Variants in BABAM2 observed in about 807,000 individuals in gnomAD.
BABAM2 encodes the protein BRISC and BRCA1-A complex member 2.
A neutral mutation model predicts 54.7 loss-of-function variants in BABAM2; 31 were observed. That is an observed-to-expected ratio of 0.57 (90% CI 0.43 to 0.77). BABAM2 has a LOEUF of 0.77. Ranked by LOEUF, BABAM2 falls within the 30% of genes least tolerant of loss-of-function variation. BABAM2 has a pLI of 0.00. For missense variants in BABAM2, 364 were observed against 455.8 expected (o/e 0.80, Z 1.83); for synonymous variants, 167 against 162.9 (o/e 1.03, Z -0.19).
chr2:27,902,905 T>TTTG (rs1665903304), intron 2 of BABAM2, among the ~76,000 whole-genome samples: 2 of 147,780 alleles, frequency 1.4e-5, no homozygotes, highest in East Asian at 3.9e-4. Context: ...GTGTGTGTGT[T>TTTG]TGTGTGTGTG....
At chr2:28,017,580 T>C (rs1361491784) in intron 4 of BABAM2, among the ~76,000 whole-genome samples, 1 of 152,214 alleles carries the variant, frequency 6.6e-6, no homozygotes, top group Non-Finnish European at 1.5e-5. Context: ...TGTTTCAGTA[T>C]ATCCACAGAG....
At chr2:28,200,537 T>C (rs1678148556) in intron 7 of BABAM2, among the ~76,000 whole-genome samples, 1 of 152,228 alleles carries the variant, frequency 6.6e-6, no homozygotes, top group Non-Finnish European at 1.5e-5. Flanking sequence ...TGCATATTAG[T>C]AGGCAGCCTG....
intron 11 of BABAM2, chr2:28,309,037 G>T (rs935776092): frequency 1.4e-4 from 21 of 152,292 alleles, no homozygotes; most frequent in African/African-American, 5.1e-4. Context: ...TCCCACTCAA[G>T]ATGCCTGGGT....
At chr2:27,949,499 G>A (rs894491489) in intron 3 of BABAM2, among the ~76,000 whole-genome samples, 1 of 150,178 alleles carries the variant, frequency 6.7e-6, no homozygotes, top group Non-Finnish European at 1.5e-5. Context: ...GCACCACTGC[G>A]CTCCAACCTG....
At chr2:28,293,121 C>T (rs1687419819) in intron 10 of BABAM2, among the ~76,000 whole-genome samples, 5 of 152,164 alleles carry the variant, frequency 3.3e-5, no homozygotes, top group Admixed American at 3.3e-4. Flanking sequence ...CTTTAATGTT[C>T]CTTGTCCTCA....
chr2:27,920,215 A>G (rs1182311958), intron 2 of BABAM2, among the ~76,000 whole-genome samples: 1 of 152,174 alleles, frequency 6.6e-6, no homozygotes, highest in Non-Finnish European at 1.5e-5. Context: ...TTTTGCTTGT[A>G]AAAAGGTCTA....
chr2:28,172,106 TG>T, intron 7 of BABAM2, among the ~76,000 whole-genome samples: 1 of 151,864 alleles, frequency 6.6e-6, no homozygotes, highest in Non-Finnish European at 1.5e-5. Flanking sequence ...TGTGTGTGTG[TG>T]TGTGTGTGGT....
At chr2:28,171,849 T>A (rs934741696) in intron 7 of BABAM2, among the ~76,000 whole-genome samples, 1 of 114,688 alleles carries the variant, frequency 8.7e-6, no homozygotes, top group South Asian at 3.0e-4. Context: ...GATTGAAACC[T>A]TTTGTTCTTC....
In BABAM2 at chr2:28,196,325, TA is replaced by T. The variant is rs373462113; in HGVS notation, c.681-40867del. Among the ~76,000 whole-genome samples the T allele has an allele frequency of 5.2e-4, 56 of 108,280 alleles. 4 individuals carry two copies. The highest frequency in any genetic ancestry group is 2.2e-3 in the East Asian group (11 of 5,106). 71.0% of individuals were successfully genotyped at this position (108,280 alleles called of 152,430 possible). A position where few individuals can be genotyped will look rare whatever the true frequency, so the allele number is the denominator to read the frequency against. On this transcript the variant is annotated intron_variant, in intron 7 of 11. Transcript: ENST00000379624. Reference sequence around the variant, plus strand: ...CTGGGCAACAGAGCAAGACTCCATATAAAAAAAAAATGAATTTTTTACAAAA... The same window carrying T: ...CTGGGCAACAGAGCAAGACTCCATATAAAAAAAAATGAATTTTTTACAAAA...
intron 3 of BABAM2, among the ~76,000 whole-genome samples, chr2:27,986,629 G>C (rs1672418530): frequency 6.6e-6 from 1 of 152,198 alleles, no homozygotes; most frequent in Admixed American, 6.5e-5. Context: ...TCATCATCAT[G>C]TTTTAGTCTT....
chr2:28,244,291 T>C (rs553953242), intron 9 of BABAM2, among the ~76,000 whole-genome samples: 2 of 152,156 alleles, frequency 1.3e-5, no homozygotes, highest in Non-Finnish European at 2.9e-5. Context: ...AATACTGTCA[T>C]TGCATATTAC....
intron 10 of BABAM2, among the ~76,000 whole-genome samples, chr2:28,292,665 A>G (rs1165056133): frequency 2.0e-5 from 3 of 152,186 alleles, no homozygotes; most frequent in African/African-American, 4.8e-5. Flanking sequence ...AAGACCTCAC[A>G]TGATCAGCTC....
At chr2:28,244,736 A>G (rs1449048495) in intron 9 of BABAM2, 44 bp from the exon 10 acceptor site, 2 of 1,543,756 alleles carry the variant, frequency 1.3e-6, no homozygotes, top group African/African-American at 2.8e-5. Flanking sequence ...CCTTAATTTT[A>G]TGAGGGTTTT....
At chr2:28,240,870 C>CAAA (rs56247120) in intron 8 of BABAM2, among the ~76,000 whole-genome samples, 63 of 109,154 alleles carry the variant, frequency 5.8e-4, no homozygotes, top group African/African-American at 2.0e-3. Context: ...GACTCTGTCT[C>CAAA]AAAAAAAAAA....
At chr2:27,996,042 A>T (rs72812551) in intron 4 of BABAM2, among the ~76,000 whole-genome samples, 11,981 of 152,124 alleles carry the variant, frequency 0.079, 802 homozygotes, top group African/African-American at 0.18. Flanking sequence ...TTTCCAGTCC[A>T]TGTGAGCTAA....
intron 10 of BABAM2, among the ~76,000 whole-genome samples, chr2:28,273,744 C>A (rs1685637512): frequency 6.6e-6 from 1 of 152,040 alleles, no homozygotes; most frequent in South Asian, 2.1e-4. Flanking sequence ...AAAACAGCTT[C>A]ATGGGTAAAT....
intron 10 of BABAM2, among the ~76,000 whole-genome samples, chr2:28,280,067 T>G (rs1434694492): frequency 6.6e-6 from 1 of 152,066 alleles, no homozygotes; most frequent in Non-Finnish European, 1.5e-5. Context: ...AACTAATTTT[T>G]TTTTTTTTTG....
intron 3 of BABAM2, among the ~76,000 whole-genome samples, chr2:27,957,932 G>A (rs1670207033): frequency 6.6e-6 from 1 of 152,176 alleles, no homozygotes; most frequent in South Asian, 2.1e-4. Context: ...CTATATTGAG[G>A]TTGCCATGCT....
At chr2:27,964,206 C>T (rs1360967532) in intron 3 of BABAM2, among the ~76,000 whole-genome samples, 2 of 152,132 alleles carry the variant, frequency 1.3e-5, no homozygotes, top group Non-Finnish European at 2.9e-5. Flanking sequence ...CCTGCTTTCC[C>T]TTCCATTTCT....
Sources: allele counts gnomAD v4.1 joint callset (sites outside exome capture counted in the v4.1 genomes callset), GRCh38; gene constraint gnomAD v4.1.1; transcripts MANE v1.5; gene names NCBI Gene and HGNC (gene_info 2026-07-23, HGNC 2026-07-21).